The following MYLK3 variants were observed in gnomAD, a reference collection of about 807,000 sequenced individuals.
MYLK3 encodes MLC kinase.
In MYLK3, 55 loss-of-function variants were observed where a neutral mutation model predicts 76.3. That is an observed-to-expected ratio of 0.72 (90% CI 0.58 to 0.90). The LOEUF (loss-of-function observed/expected upper bound fraction) is 0.90. MYLK3 is among the 40% of genes least tolerant of loss of function. The pLI, the probability that MYLK3 is intolerant of heterozygous loss-of-function variation, is 0.00. For synonymous variants in MYLK3, 416 were observed against 425.4 expected (o/e 0.98, Z 0.27); for missense variants, 973 against 1,053.6 (o/e 0.92, Z 1.06).
In MYLK3 at chr16:46,738,032, T is replaced by C; in HGVS notation, c.680A>G (p.Asp227Gly). 2 of 1,612,194 alleles carry C rather than the reference T, an allele frequency of 1.2e-6. No individual in the cohort carries two copies. The highest frequency in any genetic ancestry group is 1.7e-6 in the Non-Finnish European group (2 of 1,179,850). ...AQAVVSPGQG[D>G]GVPGPAQAFP... is the part of the protein sequence containing the mutation. ...TGCCTGGGCTGGGCCAGGAACACCA[T>C]CTCCCTGGCCCGGTGAGACCACTGC... The change falls in exon 3 of 13, where the codon GAT becomes GGT. Residue 227 changes from aspartate (D) to glycine (G), a missense_variant. Around this residue, in one of 2 missense-constraint regions of MYLK3, gnomAD observed 641 missense variants for 637.0 expected, o/e 1.01. Transcript: ENST00000394809.
intron 1 of MYLK3, among the ~76,000 whole-genome samples, chr16:46,746,525 A>G (rs1468863022): frequency 6.6e-6 from 1 of 152,138 alleles, no homozygotes; most frequent in African/African-American, 2.4e-5. Context: ...GACTCAAACA[A>G]TTCTCCCACC....
intron 1 of MYLK3, among the ~76,000 whole-genome samples, chr16:46,746,091 C>A (rs904911679): frequency 2.6e-5 from 4 of 151,790 alleles, no homozygotes; most frequent in Non-Finnish European, 5.9e-5. Flanking sequence ...GTTCCCGGGC[C>A]CCCTCCACAG....
chr16:46,724,180 T>G (rs1966827449), intron 8 of MYLK3, among the ~76,000 whole-genome samples: 1 of 152,194 alleles, frequency 6.6e-6, no homozygotes, highest in South Asian at 2.1e-4. Flanking sequence ...TTATAAGAGT[T>G]TGTTATATGT....
intron 3 of MYLK3, among the ~76,000 whole-genome samples, chr16:46,736,109 G>A (rs1057131615): frequency 6.6e-6 from 1 of 152,160 alleles, no homozygotes; most frequent in Non-Finnish European, 1.5e-5. Flanking sequence ...CTGGGCTCAA[G>A]TGATCCTCCC....
Position 46,747,988 on chromosome 16 carries a change from GC to G in MYLK3, c.205del (p.Ala69ProfsTer29), listed in dbSNP as rs1567292150. The G allele has an allele frequency of 1.2e-6, 2 of 1,613,420 alleles. No individual in the cohort carries two copies. Among genetic ancestry groups the G allele is most frequent in the Non-Finnish European group, 1.7e-6 (2 of 1,179,930 alleles). On this transcript the variant is annotated frameshift_variant, in exon 1 of 13. Transcript: ENST00000394809. LOFTEE classifies it high-confidence loss of function. Reference sequence around the variant, plus strand: ...CCCGCCCGGGCCCGGTGCCCGGGAGGCCTCCAGCCTGTGCAGGCCCCGCTCC... The same window carrying G: ...CCCGCCCGGGCCCGGTGCCCGGGAGGCTCCAGCCTGTGCAGGCCCCGCTCC... ...HLERGLHRLE[A>X]SRAPGPGGAD...
At chr16:46,748,478 T>A (rs1567292358), upstream of MYLK3, among the ~76,000 whole-genome samples, 1 of 152,156 alleles carries the variant, frequency 6.6e-6, no homozygotes, top group Non-Finnish European at 1.5e-5. The surrounding 1 kb of genome is among the most constrained non-coding windows in gnomAD (Gnocchi z 4.3). Flanking sequence ...ACGGCAGCAT[T>A]TAACATTCCT....
chr16:46,710,926 T>G, intron 10 of MYLK3, 137 bp from the exon 11 acceptor site: 1 of 924,006 alleles, frequency 1.1e-6, no homozygotes, highest in African/African-American at 1.6e-5. Flanking sequence ...CCTCCACTAC[T>G]TCTCCACAGG....
intron 2 of MYLK3, 143 bp from the exon 3 acceptor site, chr16:46,738,286 G>T: frequency 1.4e-6 from 1 of 718,948 alleles, no homozygotes; most frequent in Non-Finnish European, 2.2e-6. Flanking sequence ...GAAAGGGGCT[G>T]GTTGACTAAA....
At chr16:46,761,968 T>C (rs1237344279) in intron 1 of MYLK3, among the ~76,000 whole-genome samples, 1 of 149,856 alleles carries the variant, frequency 6.7e-6, no homozygotes, top group Non-Finnish European at 1.5e-5. Flanking sequence ...AGCATCCACA[T>C]AGAAGCTCAA....
intron 12 of MYLK3, among the ~76,000 whole-genome samples, chr16:46,708,897 G>C (rs1196559341): frequency 6.6e-6 from 1 of 152,116 alleles, no homozygotes; most frequent in African/African-American, 2.4e-5. Context: ...GAAGAATCAG[G>C]CCTCAAGCTC....
At chr16:46,732,093 G>T in intron 4 of MYLK3, 115 bp downstream of exon 4, 1 of 860,300 alleles carries the variant, frequency 1.2e-6, no homozygotes, top group Non-Finnish European at 1.7e-6. Flanking sequence ...ACTCTTGGAC[G>T]CCCCCAGACT....
At chr16:46,737,565 C>T (rs897254103) in intron 3 of MYLK3, 146 bp downstream of exon 3, 17 of 742,634 alleles carry the variant, frequency 2.3e-5, no homozygotes, top group Admixed American at 5.8e-5. Flanking sequence ...TCTAAGCTCC[C>T]AGAGGCAGGG....
intron 1 of MYLK3, among the ~76,000 whole-genome samples, chr16:46,740,530 T>C (rs921680920): frequency 3.6e-4 from 13 of 36,468 alleles, no homozygotes; most frequent in South Asian, 1.8e-3. Context: ...TATATATATA[T>C]ACATACATAT....
At chr16:46,730,735 T>C in intron 4 of MYLK3, 37 bp from the exon 5 acceptor site, 1 of 1,584,280 alleles carries the variant, frequency 6.3e-7, no homozygotes, top group Non-Finnish European at 8.7e-7. Flanking sequence ...GAGCCTCCTC[T>C]GTGCAGCCCA....
intron 3 of MYLK3, among the ~76,000 whole-genome samples, chr16:46,732,895 C>T (rs1966855622): frequency 6.6e-6 from 1 of 152,180 alleles, no homozygotes; most frequent in African/African-American, 2.4e-5. Flanking sequence ...GGGTGAGGAC[C>T]ATACACCCCT....
intron 5 of MYLK3, 118 bp downstream of exon 5, chr16:46,730,475 G>T: frequency 1.3e-6 from 1 of 791,660 alleles, no homozygotes; most frequent in Non-Finnish European, 2.1e-6. Context: ...CCCAGCCTTG[G>T]CTCCATCAGC....
At position 46,705,031 on chromosome 16, in the gene MYLK3, TG is replaced by T. The variant is rs1316783941; in HGVS notation, c.*2672del. 1.3e-5 allele frequency: 2 copies of T among 152,232 alleles called. No individual in the cohort carries two copies. Among genetic ancestry groups the T allele is most frequent in the East Asian group, 3.8e-4 (2 of 5,196 alleles). 9.4% of individuals were successfully genotyped at this position (152,232 alleles called of 1,614,324 possible). ...CAACTTGGAGCAGGCCTAGACTTGC[TG>T]GTATTGAAACTGTTAGTTCCCAACA... On this transcript the variant is annotated 3_prime_UTR_variant, in exon 13 of 13. Coordinates refer to ENST00000394809, the MANE Select transcript of MYLK3 (RefSeq NM_182493.3).
intron 1 of MYLK3, among the ~76,000 whole-genome samples, chr16:46,744,044 T>C (rs547720816): frequency 2.4e-4 from 37 of 152,324 alleles, no homozygotes; most frequent in African/African-American, 8.9e-4. Context: ...TATTTTATTT[T>C]ATTTTTGTGA....
Position 46,721,163 on chromosome 16 carries a change from C to G in MYLK3, c.1945G>C (p.Gly649Arg). ...PENILCVNQT[G>R]HQIKIIDFGL... ...AAGTCAATGATCTTAATTTGATGTC[C>G]TGTCTGATTGACGCACAATATGTTC... Residue 649 changes from glycine (G) to arginine (R), a missense_variant, in exon 9 of 13, where the codon GGA becomes CGA. This residue lies in a region of MYLK3 where 332 missense variants were observed against 416.6 expected (regional missense o/e 0.80). Transcript: ENST00000394809. The G allele has an allele frequency of 1.2e-6, 2 of 1,614,214 alleles. No individual in the cohort carries two copies. Among genetic ancestry groups the G allele is most frequent in the Non-Finnish European group, 1.7e-6 (2 of 1,180,044 alleles).
Sources: gnomAD v4.1 joint callset for allele counts (sites outside exome capture counted in the v4.1 genomes callset) on GRCh38, gnomAD v4.1.1 for gene constraint, gnomAD v4.1.1 regional missense constraint, Gnocchi (gnomAD v3.1) non-coding constraint, MANE v1.5 for transcripts, NCBI Gene and HGNC (gene_info 2026-07-23, HGNC 2026-07-21) for gene names.